The following RBM47 variants were observed in gnomAD, a reference collection of about 807,000 sequenced individuals.
RBM47 encodes RNA-binding protein 47.
RBM47 carries 21 observed loss-of-function variants against 47.1 expected under a neutral mutation model. The observed-to-expected ratio is 0.45, with a 90% CI of 0.32 to 0.64. The LOEUF is 0.64. RBM47 is among the 30% of genes least tolerant of loss of function. The probability of loss-of-function intolerance (pLI) is 0.05; values close to 1 mark genes in which losing one functional copy is unlikely to be tolerated. For missense variants in RBM47, 708 were observed against 870.9 expected, an observed-to-expected ratio of 0.81 and a Z score of 2.35; for synonymous variants, 375 against 361.7, an observed-to-expected ratio of 1.04 and a Z score of -0.42.
chr4:40,590,695 A>G (rs1214808812), intron 1 of RBM47, among the ~76,000 whole-genome samples: 1 of 152,246 alleles, frequency 6.6e-6, no homozygotes, highest in Non-Finnish European at 1.5e-5. Context: ...TTACAACAGA[A>G]TATTATTCAG....
At chr4:40,576,255 TTG>T (rs1491089652) in intron 1 of RBM47, among the ~76,000 whole-genome samples, 1,191 of 61,208 alleles carry the variant, frequency 0.019, 6 homozygotes, top group Middle Eastern at 0.049. Context: ...TTTTTTTTTT[TTG>T]GGGGGGGGCG....
intron 1 of RBM47, among the ~76,000 whole-genome samples, chr4:40,570,035 A>G (rs1731561355): frequency 6.6e-6 from 1 of 152,040 alleles, no homozygotes; most frequent in South Asian, 2.1e-4. Flanking sequence ...GAAAATAAAC[A>G]TAAACTAATG....
At chr4:40,452,026 C>T (rs1715518288) in intron 3 of RBM47, among the ~76,000 whole-genome samples, 2 of 152,014 alleles carry the variant, frequency 1.3e-5, no homozygotes, top group Non-Finnish European at 2.9e-5. Flanking sequence ...AAAAATTAGC[C>T]GGGTGTGGTG....
In RBM47 at chr4:40,532,232, G is replaced by A. The variant is rs182172209; in HGVS notation, c.-155+12190C>T. Among the ~76,000 whole-genome samples, 59 of 149,204 alleles carry A rather than the reference G, an allele frequency of 4.0e-4. 1 individual carries two copies. The East Asian group carries it at 0.01, about 26-fold the overall frequency. On this transcript the variant is annotated intron_variant, in intron 2 of 6. Transcript: ENST00000295971. ...TCACTGTGTTAGCCAGGATGGTCTC[G>A]ATCTCCTGACCTCGTGATCCACCTT...
chr4:40,443,742 A>AAAAAAAAAAAG, intron 3 of RBM47, among the ~76,000 whole-genome samples: 1 of 140,786 alleles, frequency 7.1e-6, no homozygotes. Context: ...AAAAAAAAAA[A>AAAAAAAAAAAG]AAAAAAAAAA....
chr4:40,430,373 G>A (rs1045140993), intron 6 of RBM47, among the ~76,000 whole-genome samples: 1 of 152,144 alleles, frequency 6.6e-6, no homozygotes, highest in Non-Finnish European at 1.5e-5. Context: ...AAAGACAAGT[G>A]TTCATGAATT....
intron 2 of RBM47, chr4:40,543,671 G>A (rs770325486): frequency 1.3e-5 from 2 of 152,036 alleles, no homozygotes; most frequent in Non-Finnish European, 2.9e-5. Context: ...GTGCGTGCCT[G>A]TAGTCAGTCC....
chr4:40,534,470 T>C (rs1430889087), intron 2 of RBM47, among the ~76,000 whole-genome samples: 2 of 152,148 alleles, frequency 1.3e-5, no homozygotes, highest in Non-Finnish European at 2.9e-5. Context: ...TAATTGCATA[T>C]TACACTCCGT....
intron 2 of RBM47, among the ~76,000 whole-genome samples, chr4:40,473,956 T>G (rs1393230515): frequency 6.6e-6 from 1 of 152,122 alleles, no homozygotes; most frequent in African/African-American, 2.4e-5. Flanking sequence ...ATGGTGGTGA[T>G]GAGATTATCA....
intron 2 of RBM47, among the ~76,000 whole-genome samples, chr4:40,496,351 CACACACA>C (rs1722575738): frequency 6.6e-6 from 1 of 151,790 alleles, no homozygotes; most frequent in Non-Finnish European, 1.5e-5. Flanking sequence ...CACACACACA[CACACACA>C]CACACAAAGA....
At chr4:40,460,705 T>G (rs1472127156) in intron 3 of RBM47, among the ~76,000 whole-genome samples, 2 of 151,748 alleles carry the variant, frequency 1.3e-5, no homozygotes, top group Non-Finnish European at 1.5e-5. Context: ...CTGGCCCACA[T>G]AGCAAAACCC....
intron 3 of RBM47, among the ~76,000 whole-genome samples, chr4:40,465,091 G>T (rs534831946): frequency 6.6e-6 from 1 of 151,868 alleles, no homozygotes; most frequent in Non-Finnish European, 1.5e-5. Flanking sequence ...AAAAAATTTT[G>T]CTCTCTGAGT....
At chr4:40,532,994 A>C (rs1225107191) in intron 2 of RBM47, among the ~76,000 whole-genome samples, 1 of 152,176 alleles carries the variant, frequency 6.6e-6, no homozygotes, top group Non-Finnish European at 1.5e-5. Flanking sequence ...TGAATGGGGC[A>C]GTGTAAACAG....
chr4:40,480,056 C>A (rs754365570), intron 2 of RBM47, among the ~76,000 whole-genome samples: 1 of 144,884 alleles, frequency 6.9e-6, no homozygotes, highest in Non-Finnish European at 1.5e-5. Context: ...CAGCTCACTG[C>A]GACCTCCACC....
chr4:40,495,836 T>A (rs73235643), intron 2 of RBM47, among the ~76,000 whole-genome samples: 4 of 3,152 alleles, frequency 1.3e-3, no homozygotes, highest in Non-Finnish European at 2.6e-3. Flanking sequence ...TTGTGCGCGC[T>A]CTCTCTCTCT....
At chr4:40,436,909 A>C in intron 4 of RBM47, 1 of 578,494 alleles carries the variant, frequency 1.7e-6, no homozygotes, top group Non-Finnish European at 3.2e-6. Flanking sequence ...AAAGAAAAAC[A>C]TTCATAGACT....
rs114616135 is a variant in RBM47 at position 40,465,279 on chromosome 4, G to A, written c.-32+1298C>T. On this transcript the variant is annotated intron_variant, in intron 3 of 6. Coordinates refer to ENST00000295971, the MANE Select transcript of RBM47 (RefSeq NM_001098634.2). ...TGTGAGGGCTGGGGTCCAAGGTCAGGGTGAAGCTAATCTTTCTCCTATCTT... is the reference window on the plus strand; with the variant it reads ...TGTGAGGGCTGGGGTCCAAGGTCAGAGTGAAGCTAATCTTTCTCCTATCTT... Among the ~76,000 whole-genome samples the A allele has an allele frequency of 1.7e-3, 257 of 152,190 alleles. 2 individuals carry two copies. Among genetic ancestry groups the A allele is most frequent in the African/African-American group, 5.9e-3 (243 of 41,500 alleles).
intron 1 of RBM47, among the ~76,000 whole-genome samples, chr4:40,595,166 A>T (rs1478247595): frequency 6.6e-6 from 1 of 152,226 alleles, no homozygotes; most frequent in Non-Finnish European, 1.5e-5. Flanking sequence ...TATCTCCATA[A>T]TTCTGGCCTG....
At chr4:40,535,599 C>CTG (rs1477577316) in intron 2 of RBM47, among the ~76,000 whole-genome samples, 9 of 151,152 alleles carry the variant, frequency 6.0e-5, no homozygotes, top group Non-Finnish European at 1.2e-4. Context: ...CTAGCCCTGT[C>CTG]GCCCAGGCTG....
Sources: gnomAD v4.1 joint callset for allele counts (sites outside exome capture counted in the v4.1 genomes callset) on GRCh38, gnomAD v4.1.1 for gene constraint, MANE v1.5 for transcripts, NCBI Gene and HGNC (gene_info 2026-07-23, HGNC 2026-07-21) for gene names.